The following ZNF649 variants were observed in gnomAD, a reference collection of about 807,000 sequenced individuals.
The protein encoded by ZNF649 is zinc finger protein 649.
A neutral mutation model predicts 14.1 loss-of-function variants in ZNF649; 7 were observed. That is an observed-to-expected ratio of 0.49 (90% CI 0.28 to 0.93). The LOEUF (loss-of-function observed/expected upper bound fraction) is 0.93, where lower values mean the gene tolerates loss of function less well. Among genes scored for constraint, ZNF649 ranks in the 40% least tolerant of loss-of-function variants. The pLI, the probability that ZNF649 is intolerant of heterozygous loss-of-function variation, is 0.10. For synonymous variants in ZNF649, 227 were observed against 212.3 expected (o/e 1.07, Z -0.60); for missense variants, 544 against 608.1 (o/e 0.89, Z 1.11).
chr19:51,896,947 T>TCCACAG lies in ZNF649; in HGVS notation c.41_46dup (p.Ala14_Val15dup). On this transcript the variant is annotated inframe_insertion, in exon 3 of 5. Transcript: ENST00000354957. ...GAACTGCCACTCCTCCCAGGTGAAGTCCACAGCCACATCCTCCAGGGTCAG... is the reference window on the plus strand; with the variant it reads ...GAACTGCCACTCCTCCCAGGTGAAGTCCACAGCCACAGCCACATCCTCCAGGGTCAG... The TCCACAG allele has an allele frequency of 6.2e-7, 1 of 1,614,192 alleles. No homozygotes were observed. The highest frequency in any genetic ancestry group is 8.5e-7 in the Non-Finnish European group (1 of 1,180,024).
At position 51,890,939 on chromosome 19, in the gene ZNF649, C is replaced by G. The variant is rs748362477; in HGVS notation, c.1197G>C (p.Glu399Asp). The part of the protein sequence containing the change: ...LIRHQKIHSG[E>D]KPYKCSDCGK... ...CACAGTCACTGCATTTATAGGGTTTCTCTCCTGAGTGAATTTTCTGATGTC... is the reference window on the plus strand; with the variant it reads ...CACAGTCACTGCATTTATAGGGTTTGTCTCCTGAGTGAATTTTCTGATGTC... Residue 399 changes from glutamate to aspartate, a missense_variant, in exon 5 of 5, where the codon GAG (glutamate) becomes GAC (aspartate). Glu to Asp is a conservative substitution (Grantham distance 45). Coordinates refer to ENST00000354957, the MANE Select transcript of ZNF649 (RefSeq NM_023074.4). 4.3e-6 allele frequency: 7 copies of G among 1,614,074 alleles called. No homozygotes were observed. Among genetic ancestry groups the G allele is most frequent in the Non-Finnish European group, 5.9e-6 (7 of 1,179,960 alleles).
rs570930973 is a variant in ZNF649 at position 51,890,510 on chromosome 19, A to G, written c.*108T>C. On this transcript the variant is annotated 3_prime_UTR_variant, in exon 5 of 5. Coordinates refer to ENST00000354957, the MANE Select transcript of ZNF649 (RefSeq NM_023074.4). ...TATAAAAAAGTAAAATATATTTCAT[A>G]TCTTGTAAACCCTACTATACATATT... 23 of 681,820 alleles carry G rather than the reference A, an allele frequency of 3.4e-5. No individual in the cohort carries two copies. Among genetic ancestry groups the G allele is most frequent in the Middle Eastern group, 4.0e-4 (1 of 2,520 alleles). 42.2% of individuals were successfully genotyped at this position (681,820 alleles called of 1,614,324 possible).
chr19:51,896,748 C>G, intron 3 of ZNF649, 104 bp downstream of exon 3: 1 of 1,610,562 alleles, frequency 6.2e-7, no homozygotes, highest in Non-Finnish European at 8.5e-7. Context: ...GCCTGAGGAT[C>G]TGCCATTTGG....
intron 4 of ZNF649, among the ~76,000 whole-genome samples, chr19:51,894,590 G>T (rs2085047372): frequency 6.6e-6 from 1 of 152,202 alleles, no homozygotes; most frequent in African/African-American, 2.4e-5. Context: ...ACCACTGTAG[G>T]TTACATTTCT....
rs1411478018 is a variant in ZNF649 at position 51,890,887 on chromosome 19, G to C, written c.1249C>G (p.Leu417Val). ...GTGTGAGTTCTGTGATGTACAATGAGCATTGTCTTTGTAAGGAAGGCTTTC... is the reference window on the plus strand; with the variant it reads ...GTGTGAGTTCTGTGATGTACAATGACCATTGTCTTTGTAAGGAAGGCTTTC... ...CGKAFLTKTM[L>V]IVHHRTHTGE... The change falls in exon 5 of 5, where the codon CTC becomes GTC. Residue 417 changes from leucine (L) to valine (V), a missense_variant. Physicochemically the swap from Leu to Val is conservative, Grantham distance 32 (BLOSUM62 1). Transcript: ENST00000354957. The C allele has an allele frequency of 6.2e-7, 1 of 1,614,222 alleles. No individual in the cohort carries two copies. The highest frequency in any genetic ancestry group is 1.1e-5 in the South Asian group (1 of 91,090).
In ZNF649 at chr19:51,904,995, G is replaced by A. The variant is rs1568458079; in HGVS notation, c.-269C>T. On this transcript the variant is annotated 5_prime_UTR_variant, in exon 1 of 5. Coordinates refer to ENST00000354957, the MANE Select transcript of ZNF649 (RefSeq NM_023074.4). The stretch of plus-strand genomic sequence containing the variant: ...AACCCCGGCACTGGCCTATGGCGGC[G>A]GACGAGGGCGCGAGTCAATTCTGCC... 6.6e-6 allele frequency: 1 copy of A among 152,246 alleles called. No homozygotes were observed. The highest frequency in any genetic ancestry group is 1.5e-5 in the Non-Finnish European group (1 of 68,076). The allele number at this position is 152,246 out of a possible 1,614,324, so 9.4% of individuals were successfully genotyped here. A position where few individuals can be genotyped will look rare whatever the true frequency, so the allele number is the denominator to read the frequency against.
At chr19:51,903,004 A>G (rs1348809392) in intron 1 of ZNF649, among the ~76,000 whole-genome samples, 1 of 152,192 alleles carries the variant, frequency 6.6e-6, no homozygotes, top group East Asian at 1.9e-4. Context: ...TGCAAGCACC[A>G]AAGGTGAGTA....
intron 4 of ZNF649, among the ~76,000 whole-genome samples, chr19:51,895,344 C>T (rs10414472): frequency 0.29 from 43,396 of 151,678 alleles, 9,181 homozygotes; most frequent in African/African-American, 0.59. Flanking sequence ...TTTTGTTTTT[C>T]GTTTCTTTTT....
At chr19:51,894,595 A>G (rs1478127399) in intron 4 of ZNF649, among the ~76,000 whole-genome samples, 1 of 152,176 alleles carries the variant, frequency 6.6e-6, no homozygotes, top group African/African-American at 2.4e-5. Flanking sequence ...TGTAGGTTAC[A>G]TTTCTTCTAA....
intron 1 of ZNF649, chr19:51,904,325 G>C (rs1317723156): frequency 1.3e-5 from 2 of 152,168 alleles, no homozygotes; most frequent in East Asian, 3.9e-4. Context: ...CCGCACAGCC[G>C]GCTCTGCATG....
At position 51,891,471 on chromosome 19, in the gene ZNF649, G is replaced by A. The variant is rs2085022140; in HGVS notation, c.665C>T (p.Thr222Ile). The A allele has an allele frequency of 6.2e-6, 10 of 1,614,008 alleles. No individual in the cohort carries two copies. Among genetic ancestry groups the A allele is most frequent in the Non-Finnish European group, 8.5e-6 (10 of 1,179,856 alleles). Residue 222 changes from threonine (T) to isoleucine (I), a missense_variant, in exon 5 of 5, where the codon ACT becomes ATT. Physicochemically the swap from Thr to Ile is moderately conservative, Grantham distance 89. Coordinates refer to ENST00000354957, the MANE Select transcript of ZNF649 (RefSeq NM_023074.4). The surrounding 1 kb of genome is among the most constrained non-coding windows in gnomAD (Gnocchi z 4.2). ...TCCTCTGTGAGCTCTCTCGTGTTCA[G>A]TGAGCCTGTACTTCTTGTAGAAGGC... is the stretch of plus-strand genomic sequence containing the variant. Reference protein sequence around the residue: ...GKAFYKKYRLTEHERAHRGEK... With the variant: ...GKAFYKKYRLIEHERAHRGEK...
At chr19:51,893,770 C>G (rs2085039832) in intron 4 of ZNF649, among the ~76,000 whole-genome samples, 1 of 152,188 alleles carries the variant, frequency 6.6e-6, no homozygotes, top group Non-Finnish European at 1.5e-5. Context: ...CCTCTACTCT[C>G]TGAATTTTGT....
rs60060478 is a variant in ZNF649, at chr19:51,896,666, A to G, written c.143-99T>C. 5,379 of 1,519,534 alleles carry G rather than the reference A, an allele frequency of 3.5e-3. 146 individuals carry two copies. The African/African-American group carries it at 0.063, about 18-fold the overall frequency. The allele number at this position is 1,519,534 out of a possible 1,614,324, so 94.1% of individuals were successfully genotyped here. A position where few individuals can be genotyped will look rare whatever the true frequency, so the allele number is the denominator to read the frequency against. ...ACATGTTAGGGACTGCATAATTTGC[A>G]TGTTAGCAAATTAAAGGCTTTTTTT... On this transcript the variant is annotated intron_variant, in intron 3 of 4. Coordinates refer to ENST00000354957, the MANE Select transcript of ZNF649 (RefSeq NM_023074.4).
Position 51,891,533 on chromosome 19 carries a change from T to C in ZNF649, c.603A>G (p.Thr201=), listed in dbSNP as rs1241470234. Residue 201 remains threonine, a synonymous_variant, in exon 5 of 5, where the codon ACA becomes ACG. Transcript: ENST00000354957. The surrounding 1 kb of genome is among the most constrained non-coding windows in gnomAD (Gnocchi z 4.2). ...SQLTEHKRIH[T]GKKPHVCSLC... Reference sequence around the variant, plus strand: ...AGCTACACACGTGGGGTTTCTTTCCTGTATGAATTCTCTTATGCTCAGTGA... The same window carrying C: ...AGCTACACACGTGGGGTTTCTTTCCCGTATGAATTCTCTTATGCTCAGTGA... 10 of 1,614,232 alleles carry C rather than the reference T, an allele frequency of 6.2e-6. No individual in the cohort carries two copies. The highest frequency in any genetic ancestry group is 1.1e-5 in the South Asian group (1 of 91,088).
chr19:51,892,391 T>A (rs1281023642), intron 4 of ZNF649, among the ~76,000 whole-genome samples: 25 of 149,436 alleles, frequency 1.7e-4, no homozygotes, highest in Admixed American at 1.5e-3. Flanking sequence ...AAAAAAAAAA[T>A]TTGCCAGCCA....
chr19:51,891,221 G>T lies in ZNF649; in HGVS notation c.915C>A (p.Leu305=). 6.2e-7 allele frequency: 1 copy of T among 1,614,248 alleles called. No individual in the cohort carries two copies. The highest frequency in any genetic ancestry group is 8.5e-7 in the Non-Finnish European group (1 of 1,180,042). The change falls in exon 5 of 5, where the codon CTC becomes CTA. Residue 305 remains leucine (L), a synonymous_variant. Coordinates refer to ENST00000354957, the MANE Select transcript of ZNF649 (RefSeq NM_023074.4). This position sits in a 1 kb window ranked among gnomAD's most constrained non-coding sequence, Gnocchi z 4.2. ...CTGTATGAGTTCGCTGATGTACAAC[G>T]AGTAGTGATTTTCTGGAGAAAGCTC... ...CGRAFSRKSL[L]VVHQRTHTGE...
chr19:51,901,775 T>C (rs938913735), intron 1 of ZNF649, among the ~76,000 whole-genome samples: 1 of 152,054 alleles, frequency 6.6e-6, no homozygotes, highest in Admixed American at 6.6e-5. Flanking sequence ...AAACCCCATC[T>C]CTATAAAACA....
Position 51,900,182 on chromosome 19 carries a change from T to G in ZNF649, c.-75A>C. The G allele has an allele frequency of 7.5e-7, 1 of 1,333,756 alleles. No homozygotes were observed. Among genetic ancestry groups the G allele is most frequent in the East Asian group, 2.5e-5 (1 of 39,282 alleles). The allele number at this position is 1,333,756 out of a possible 1,614,324, so 82.6% of individuals were successfully genotyped here. A position where few individuals can be genotyped will look rare whatever the true frequency, so the allele number is the denominator to read the frequency against. ...TTTCTTCTGGATCCTCCCTAAATTT[T>G]GGCTAAGAAATCTGAGTCTCCATTT... On this transcript the variant is annotated 5_prime_UTR_variant, in exon 2 of 5. Transcript: ENST00000354957.
At chr19:51,896,806 C>CCACT in intron 3 of ZNF649, 46 bp downstream of exon 3, 12 of 1,614,078 alleles carry the variant, frequency 7.4e-6, no homozygotes, top group Non-Finnish European at 1.0e-5. Flanking sequence ...AAAGCAAAGG[C>CCACT]CACTGACTGG....
Sources: gnomAD v4.1 joint callset for allele counts (sites outside exome capture counted in the v4.1 genomes callset) on GRCh38, gnomAD v4.1.1 for gene constraint, Gnocchi (gnomAD v3.1) non-coding constraint, MANE v1.5 for transcripts, NCBI Gene and HGNC (gene_info 2026-07-23, HGNC 2026-07-21) for gene names.